Variants in CTNND2 observed in about 807,000 individuals in gnomAD.
CTNND2 encodes the protein catenin delta-2.
CTNND2 carries 22 observed loss-of-function variants against 144.4 expected under a neutral mutation model. The ratio of observed to expected loss-of-function variants is 0.15; its 90% CI spans 0.11 to 0.22. CTNND2 has a LOEUF of 0.22. Ranked by LOEUF, CTNND2 falls within the 10% of genes least tolerant of loss-of-function variation. The pLI is 1.00. For synonymous variants in CTNND2, 751 were observed against 695.6 expected, an observed-to-expected ratio of 1.08 and a Z score of -1.25; for missense variants, 1,353 against 1,618.8, an observed-to-expected ratio of 0.84 and a Z score of 2.82.
chr5:11,284,463 T>G (rs1360072627), intron 9 of CTNND2, among the ~76,000 whole-genome samples: 1 of 152,114 alleles, frequency 6.6e-6, no homozygotes, highest in Non-Finnish European at 1.5e-5. Flanking sequence ...CCTCCCTGTG[T>G]CCATGTGTTC....
At chr5:11,310,364 T>A (rs1750669061) in intron 9 of CTNND2, among the ~76,000 whole-genome samples, 2 of 152,022 alleles carry the variant, frequency 1.3e-5, no homozygotes, top group African/African-American at 4.8e-5. Context: ...ACAATTAAAG[T>A]GAGCCCTTAT....
At chr5:11,706,338 T>C (rs1050329816) in intron 2 of CTNND2, among the ~76,000 whole-genome samples, 6 of 152,148 alleles carry the variant, frequency 3.9e-5, no homozygotes, top group Admixed American at 3.9e-4. Context: ...GTGTGATCAC[T>C]GAATCAAGGT....
chr5:11,332,092 A>T (rs1012093923), intron 9 of CTNND2, among the ~76,000 whole-genome samples: 3 of 151,950 alleles, frequency 2.0e-5, no homozygotes, highest in Non-Finnish European at 2.9e-5. Context: ...CCTGACCAAC[A>T]TGGAGAAACC....
At chr5:11,059,456 T>C (rs1227393730) in intron 16 of CTNND2, among the ~76,000 whole-genome samples, 5 of 152,256 alleles carry the variant, frequency 3.3e-5, no homozygotes. Context: ...ACCATGATTG[T>C]TAGGCCTCCC....
At chr5:11,123,772 G>A (rs891336266) in intron 12 of CTNND2, among the ~76,000 whole-genome samples, 1 of 152,190 alleles carries the variant, frequency 6.6e-6, no homozygotes, top group African/African-American at 2.4e-5. Flanking sequence ...TGAGAACCAC[G>A]GCCTTAGCCC....
intron 9 of CTNND2, among the ~76,000 whole-genome samples, chr5:11,318,755 G>A (rs910163597): frequency 1.3e-5 from 2 of 151,928 alleles, no homozygotes; most frequent in Admixed American, 6.6e-5. Context: ...GCCCCACCAA[G>A]TTTTATCCTT....
chr5:11,075,357 T>A (rs1398010071), intron 16 of CTNND2, among the ~76,000 whole-genome samples: 1 of 152,154 alleles, frequency 6.6e-6, no homozygotes, highest in Non-Finnish European at 1.5e-5. Flanking sequence ...GAAAAGTGGA[T>A]TATAGAATAG....
chr5:11,443,356 G>T lies in CTNND2; in HGVS notation c.288-31287C>A, dbSNP rs1476873149. Among the ~76,000 whole-genome samples the T allele has an allele frequency of 4.6e-4, 25 of 53,932 alleles. 1 individual carries two copies. Among genetic ancestry groups the T allele is most frequent in the Non-Finnish European group, 8.1e-4 (25 of 30,858 alleles). 35.4% of individuals were successfully genotyped at this position (53,932 alleles called of 152,430 possible). A position where few individuals can be genotyped will look rare whatever the true frequency, so the allele number is the denominator to read the frequency against. On this transcript the variant is annotated intron_variant, in intron 3 of 21. Coordinates refer to ENST00000304623, the MANE Select transcript of CTNND2 (RefSeq NM_001332.4). ...GGTGTGTGTGGGGAGTGTGTGGGAG[G>T]GTGTGTGGGGGGGTGTGGCATGAGT...
intron 2 of CTNND2, among the ~76,000 whole-genome samples, chr5:11,611,484 A>T (rs1780319901): frequency 6.6e-6 from 1 of 152,166 alleles, no homozygotes; most frequent in Non-Finnish European, 1.5e-5. Context: ...GCAATGACAA[A>T]GGTTTATCTT....
chr5:11,590,278 C>T (rs1489761058), intron 2 of CTNND2, among the ~76,000 whole-genome samples: 1 of 152,044 alleles, frequency 6.6e-6, no homozygotes, highest in Non-Finnish European at 1.5e-5. Flanking sequence ...CTCCTGACCT[C>T]GTGATCCGCC....
intron 16 of CTNND2, among the ~76,000 whole-genome samples, chr5:11,069,951 C>G (rs965820593): frequency 1.3e-5 from 2 of 152,156 alleles, no homozygotes; most frequent in African/African-American, 4.8e-5. Context: ...ATTAGATTAT[C>G]TCAGCCCTCT....
At chr5:11,442,688 G>A (rs1764365800) in intron 3 of CTNND2, among the ~76,000 whole-genome samples, 2 of 151,344 alleles carry the variant, frequency 1.3e-5, no homozygotes, top group African/African-American at 4.9e-5. Context: ...TGAAGTGTAA[G>A]GAAAGAGACT....
chr5:11,570,645 CTTTTTTT>C (rs528048245), intron 2 of CTNND2, among the ~76,000 whole-genome samples: 1 of 147,416 alleles, frequency 6.8e-6, no homozygotes, highest in Non-Finnish European at 1.5e-5. Context: ...TTTCTTTTTT[CTTTTTTT>C]TTTATGAAAT....
intron 6 of CTNND2, 69 bp downstream of exon 6, chr5:11,396,962 T>C: frequency 2.8e-6 from 4 of 1,435,784 alleles, no homozygotes; most frequent in Admixed American, 2.0e-5. Flanking sequence ...AATCTCCACA[T>C]CCACTGCATG....
chr5:11,388,336 A>C (rs1759296900), intron 6 of CTNND2, among the ~76,000 whole-genome samples: 2 of 152,346 alleles, frequency 1.3e-5, no homozygotes, highest in Admixed American at 1.3e-4. Context: ...GAATGTTCTC[A>C]ATCCGTACTG....
At chr5:11,439,877 C>T (rs1184385100) in intron 3 of CTNND2, among the ~76,000 whole-genome samples, 2 of 150,904 alleles carry the variant, frequency 1.3e-5, no homozygotes, top group Admixed American at 6.6e-5. Flanking sequence ...TGTTATGTTG[C>T]TCAGTCTGGT....
At chr5:11,432,237 G>A (rs1169781101) in intron 3 of CTNND2, among the ~76,000 whole-genome samples, 2 of 147,294 alleles carry the variant, frequency 1.4e-5, no homozygotes, top group Non-Finnish European at 3.0e-5. Flanking sequence ...AACACAGAAA[G>A]TGTTGCAAGT....
chr5:11,152,747 G>A (rs1757855093), intron 12 of CTNND2, among the ~76,000 whole-genome samples: 2 of 152,080 alleles, frequency 1.3e-5, no homozygotes, highest in Non-Finnish European at 2.9e-5. Context: ...ACTGAACTCT[G>A]TCCCCTCCCA....
At chr5:11,759,249 T>C (rs1167186748) in intron 1 of CTNND2, among the ~76,000 whole-genome samples, 2 of 152,018 alleles carry the variant, frequency 1.3e-5, no homozygotes, top group African/African-American at 2.4e-5. Flanking sequence ...GAAATTTTAA[T>C]CAATTAGGGA....
Sources: allele counts gnomAD v4.1 joint callset (sites outside exome capture counted in the v4.1 genomes callset), GRCh38; gene constraint gnomAD v4.1.1; transcripts MANE v1.5; gene names NCBI Gene and HGNC (gene_info 2026-07-23, HGNC 2026-07-21).